ZNF423: variants seen among roughly 807,000 people sequenced by gnomAD.
ZNF423 encodes the protein Ebf-associated zinc finger protein.
In ZNF423, 12 loss-of-function variants were observed where a neutral mutation model predicts 95.8. That is an observed-to-expected ratio of 0.13 (90% confidence interval 0.08 to 0.20). The LOEUF (loss-of-function observed/expected upper bound fraction) is 0.20. Among genes scored for constraint, ZNF423 ranks in the 10% least tolerant of loss-of-function variants. The pLI is 1.00. For missense variants in ZNF423, 1,316 were observed against 1,737.1 expected, an observed-to-expected ratio of 0.76 and a Z score of 4.31; for synonymous variants, 749 against 711.9, an observed-to-expected ratio of 1.05 and a Z score of -0.83.
intron 2 of ZNF423, among the ~76,000 whole-genome samples, chr16:49,783,564 G>T (rs963184630): frequency 7.0e-6 from 1 of 141,848 alleles, no homozygotes; most frequent in African/African-American, 2.6e-5. Flanking sequence ...GGCTGAAATG[G>T]GTGGGAAAGA....
chr16:49,690,535 A>G (rs547004258), intron 3 of ZNF423, among the ~76,000 whole-genome samples: 1 of 152,342 alleles, frequency 6.6e-6, no homozygotes, highest in South Asian at 2.1e-4. Context: ...ACAAAAAACA[A>G]TAATAATTCA....
At chr16:49,542,971 C>G (rs145817262) in intron 5 of ZNF423, among the ~76,000 whole-genome samples, 2,723 of 152,284 alleles carry the variant, frequency 0.018, 52 homozygotes, top group Non-Finnish European at 0.023. Context: ...TGTTCTTCAT[C>G]TGAGGCTGGG....
intron 3 of ZNF423, among the ~76,000 whole-genome samples, chr16:49,656,519 AG>A (rs2029885459): frequency 6.6e-6 from 1 of 151,994 alleles, no homozygotes; most frequent in Non-Finnish European, 1.5e-5. Context: ...TAAAAAAAAA[AG>A]AAAAAAAAAG....
chr16:49,588,817 C>T lies in ZNF423; in HGVS notation c.3601+37353G>A, dbSNP rs139916034. On this transcript the variant is annotated intron_variant, in intron 5 of 7. Transcript: ENST00000563137. The stretch of plus-strand genomic sequence containing the variant: ...AGTGGGAAAGTGCTGCCTGCTACCA[C>T]TACGCCACCAGTGGCAGACATGGCC... 5.0e-3 allele frequency among the ~76,000 whole-genome samples: 767 copies of T among 152,352 alleles called. 7 individuals are homozygous for T. Among genetic ancestry groups the T allele is most frequent in the African/African-American group, 0.017 (717 of 41,580 alleles).
At chr16:49,766,989 G>A (rs1339690413) in intron 2 of ZNF423, among the ~76,000 whole-genome samples, 1 of 145,266 alleles carries the variant, frequency 6.9e-6, no homozygotes, top group Non-Finnish European at 1.5e-5. Flanking sequence ...TTTTTTTTTA[G>A]AGGCAGGGTC....
intron 5 of ZNF423, among the ~76,000 whole-genome samples, chr16:49,605,147 C>T (rs567847760): frequency 1.3e-5 from 2 of 152,222 alleles, no homozygotes; most frequent in South Asian, 2.1e-4. Context: ...AGGTTCCCAC[C>T]GAGCTCCAGG....
chr16:49,807,468 T>A (rs2034683363), intron 1 of ZNF423, among the ~76,000 whole-genome samples: 1 of 151,896 alleles, frequency 6.6e-6, no homozygotes, highest in African/African-American at 2.4e-5. Flanking sequence ...AGCCCAAACC[T>A]TCCACAGAAA....
chr16:49,517,821 A>T lies in ZNF423; in HGVS notation c.3849+5803T>A, dbSNP rs185672349. ...TGTTCCTGCTGCTGTCTTCTGAGAT[A>T]GATATGCTGCTTACTGTTCCCGCTT... On this transcript the variant is annotated intron_variant, in intron 7 of 7. Coordinates refer to ENST00000563137, the MANE Select transcript of ZNF423 (RefSeq NM_001379286.1). 32 of 385,142 alleles carry T rather than the reference A, an allele frequency of 8.3e-5. No individual in the cohort carries two copies. In the East Asian group the frequency reaches 1.7e-3, roughly 20 times the overall value. 23.9% of individuals were successfully genotyped at this position (385,142 alleles called of 1,614,324 possible). A position where few individuals can be genotyped will look rare whatever the true frequency, so the allele number is the denominator to read the frequency against.
At chr16:49,653,976 CAA>C (rs1973508892) in intron 3 of ZNF423, among the ~76,000 whole-genome samples, 2 of 152,220 alleles carry the variant, frequency 1.3e-5, no homozygotes, top group South Asian at 4.1e-4. Context: ...GACACAGTGC[CAA>C]GCTCTTCGTA....
intron 5 of ZNF423, among the ~76,000 whole-genome samples, chr16:49,618,398 G>A (rs1272357087): frequency 2.0e-5 from 3 of 152,196 alleles, no homozygotes; most frequent in Non-Finnish European, 2.9e-5. Flanking sequence ...TGTGTGGAGG[G>A]AGAGACCTGT....
chr16:49,519,919 C>T (rs1447807595), intron 7 of ZNF423, among the ~76,000 whole-genome samples: 1 of 152,174 alleles, frequency 6.6e-6, no homozygotes, highest in Middle Eastern at 3.2e-3. Flanking sequence ...GGCCACAGGG[C>T]CTTTGCACTC....
At chr16:49,747,776 C>A (rs1281367209) in intron 2 of ZNF423, among the ~76,000 whole-genome samples, 1 of 152,232 alleles carries the variant, frequency 6.6e-6, no homozygotes, top group Admixed American at 6.5e-5. Flanking sequence ...ATGGAGAAGG[C>A]ACTGAAGAAG....
chr16:49,568,558 G>A (rs918981229), intron 5 of ZNF423, among the ~76,000 whole-genome samples: 2 of 152,162 alleles, frequency 1.3e-5, no homozygotes, highest in Non-Finnish European at 2.9e-5. Flanking sequence ...GCCTCCCATG[G>A]AGGGCTTTTG....
chr16:49,712,900 T>C (rs1253721043), intron 3 of ZNF423, among the ~76,000 whole-genome samples: 1 of 152,228 alleles, frequency 6.6e-6, no homozygotes, highest in African/African-American at 2.4e-5. Context: ...AATGACACCG[T>C]CGTGCAGGTG....
intron 5 of ZNF423, among the ~76,000 whole-genome samples, chr16:49,568,410 C>T (rs1381678376): frequency 6.6e-6 from 1 of 152,136 alleles, no homozygotes; most frequent in Non-Finnish European, 1.5e-5. Flanking sequence ...CCTGTTGCAC[C>T]TTAAGAAGCC....
chr16:49,600,669 G>C (rs188095536), intron 5 of ZNF423, among the ~76,000 whole-genome samples: 1 of 152,104 alleles, frequency 6.6e-6, no homozygotes, highest in East Asian at 1.9e-4. Context: ...GGAAGGAGCC[G>C]GCCGACGTTT....
intron 3 of ZNF423, among the ~76,000 whole-genome samples, chr16:49,667,429 G>A (rs1358597973): frequency 6.6e-6 from 1 of 152,234 alleles, no homozygotes; most frequent in Non-Finnish European, 1.5e-5. Context: ...CTGGATAAAA[G>A]AAATTAAACA....
At chr16:49,854,565 G>A (rs2035336827) in intron 1 of ZNF423, 5 of 985,432 alleles carry the variant, frequency 5.1e-6, no homozygotes, top group Non-Finnish European at 6.0e-6. Flanking sequence ...TTTTGGCTCC[G>A]TAGACTTAGC....
At chr16:49,496,970 G>C (rs914971331) in intron 7 of ZNF423, among the ~76,000 whole-genome samples, 1 of 152,208 alleles carries the variant, frequency 6.6e-6, no homozygotes, top group African/African-American at 2.4e-5. Flanking sequence ...GGGCTGGCAA[G>C]GTCTTAAGAA....
Sources: allele counts gnomAD v4.1 joint callset (sites outside exome capture counted in the v4.1 genomes callset), GRCh38; gene constraint gnomAD v4.1.1; transcripts MANE v1.5; gene names NCBI Gene and HGNC (gene_info 2026-07-23, HGNC 2026-07-21).